Variants in KYNU observed in about 807,000 individuals in gnomAD.
The protein encoded by KYNU is kynureninase.
A neutral mutation model predicts 59.2 loss-of-function variants in KYNU; 54 were observed. The observed-to-expected ratio is 0.91, with a 90% CI of 0.73 to 1.14. The LOEUF (loss-of-function observed/expected upper bound fraction) is 1.14. Among genes scored for constraint, KYNU ranks in the 50% most tolerant of loss-of-function variants. The probability of loss-of-function intolerance (pLI) is 0.00; values close to 1 mark genes in which losing one functional copy is unlikely to be tolerated. For missense variants in KYNU, 567 were observed against 554.4 expected (o/e 1.02, Z -0.23); for synonymous variants, 177 against 192.0 (o/e 0.92, Z 0.65).
rs902662290 is a variant in KYNU, at chr2:142,942,175, G to GA, written c.374-12623dup. Among the ~76,000 whole-genome samples, 790 of 118,436 alleles carry GA rather than the reference G, an allele frequency of 6.7e-3. 3 individuals are homozygous for GA. Among genetic ancestry groups the GA allele is most frequent in the African/African-American group, 0.019 (632 of 33,156 alleles). The allele number at this position is 118,436 out of a possible 152,430, so 77.7% of individuals were successfully genotyped here. A position where few individuals can be genotyped will look rare whatever the true frequency, so the allele number is the denominator to read the frequency against. On this transcript the variant is annotated intron_variant, in intron 4 of 13. Transcript: ENST00000264170. ...CTGGGTGACAGAAAAAAAAAAAAAA[G>GA]AAAAAAAAAAAAGAAAAATGTGTAA...
intron 8 of KYNU, among the ~76,000 whole-genome samples, chr2:142,966,334 C>T (rs1684532539): frequency 6.6e-6 from 1 of 152,136 alleles, no homozygotes; most frequent in African/African-American, 2.4e-5. Context: ...ATGGTTGTGT[C>T]CTTTGGCTTT....
At chr2:142,941,365 A>G (rs1683595573) in intron 4 of KYNU, among the ~76,000 whole-genome samples, 1 of 152,242 alleles carries the variant, frequency 6.6e-6, no homozygotes, top group African/African-American at 2.4e-5. Flanking sequence ...CCTATGGGAC[A>G]AAATTCATTT....
chr2:142,926,107 A>T (rs999254171), intron 3 of KYNU, among the ~76,000 whole-genome samples: 4 of 152,090 alleles, frequency 2.6e-5, no homozygotes, highest in African/African-American at 4.8e-5. Flanking sequence ...AGGGAGGGGA[A>T]CATCACACAC....
At chr2:143,003,965 G>A (rs984682272) in intron 10 of KYNU, among the ~76,000 whole-genome samples, 7 of 152,124 alleles carry the variant, frequency 4.6e-5, no homozygotes, top group Non-Finnish European at 1.5e-5. Flanking sequence ...ACTTCTAATC[G>A]AAGACATTCT....
intron 8 of KYNU, among the ~76,000 whole-genome samples, chr2:142,974,382 G>A (rs1684826572): frequency 6.6e-6 from 1 of 152,228 alleles, no homozygotes; most frequent in African/African-American, 2.4e-5. Flanking sequence ...TGAACGTAGA[G>A]TAGGATTTAA....
chr2:143,032,671 T>C (rs1298152420), intron 11 of KYNU, among the ~76,000 whole-genome samples: 2 of 151,022 alleles, frequency 1.3e-5, no homozygotes, highest in Non-Finnish European at 2.9e-5. Context: ...TTTACCTTTT[T>C]TATATACTTA....
chr2:143,001,616 C>T (rs1685710243), intron 10 of KYNU, among the ~76,000 whole-genome samples: 1 of 152,126 alleles, frequency 6.6e-6, no homozygotes, highest in African/African-American at 2.4e-5. Flanking sequence ...TGTTAAGATA[C>T]TCAGTTTTAC....
At chr2:143,030,258 T>G (rs1171281100) in intron 11 of KYNU, among the ~76,000 whole-genome samples, 1 of 152,248 alleles carries the variant, frequency 6.6e-6, no homozygotes, top group Non-Finnish European at 1.5e-5. Flanking sequence ...GCTTTTGCCA[T>G]GTACCAAAGA....
At chr2:142,893,490 C>G (rs1236240596) in intron 2 of KYNU, among the ~76,000 whole-genome samples, 1 of 152,172 alleles carries the variant, frequency 6.6e-6, no homozygotes, top group Admixed American at 6.5e-5. Flanking sequence ...AAACTATGTA[C>G]ATTTCTAGAT....
chr2:142,911,588 A>G (rs1218698192), intron 2 of KYNU, among the ~76,000 whole-genome samples: 2 of 151,892 alleles, frequency 1.3e-5, no homozygotes, highest in African/African-American at 4.8e-5. Flanking sequence ...CCGGTACTAT[A>G]TTGAGTAGGA....
rs970474835 is a variant in KYNU, at chr2:143,054,432, A to G, written c.*12260A>G. 1.3e-5 allele frequency: 2 copies of G among 152,204 alleles called. No individual in the cohort carries two copies. The highest frequency in any genetic ancestry group is 2.9e-5 in the Non-Finnish European group (2 of 68,036). 9.4% of individuals were successfully genotyped at this position (152,204 alleles called of 1,614,324 possible). A position where few individuals can be genotyped will look rare whatever the true frequency, so the allele number is the denominator to read the frequency against. ...GAAAATCGAATATAATCATTTTTCA[A>G]TACTTAGGATAACAGATTCAGGCAA... is the stretch of plus-strand genomic sequence containing the variant. On this transcript the variant is annotated 3_prime_UTR_variant, in exon 14 of 14. Coordinates refer to ENST00000264170, the MANE Select transcript of KYNU (RefSeq NM_003937.3).
chr2:143,020,275 C>A (rs1686368315), intron 10 of KYNU, among the ~76,000 whole-genome samples: 1 of 152,038 alleles, frequency 6.6e-6, no homozygotes, highest in African/African-American at 2.4e-5. Context: ...TTGCCATAAA[C>A]TTTCCTCTTG....
At chr2:142,994,499 C>G (rs1468124401) in intron 10 of KYNU, among the ~76,000 whole-genome samples, 2 of 152,088 alleles carry the variant, frequency 1.3e-5, no homozygotes, top group Non-Finnish European at 2.9e-5. Flanking sequence ...CTTGCTTTGT[C>G]TCCCATATCA....
chr2:142,939,837 G>A (rs367663717), intron 4 of KYNU, among the ~76,000 whole-genome samples: 134 of 152,316 alleles, frequency 8.8e-4, no homozygotes, highest in African/African-American at 2.1e-3. Flanking sequence ...GGCAGCTCAC[G>A]TGGAGTCAGG....
intron 4 of KYNU, among the ~76,000 whole-genome samples, chr2:142,939,401 A>G (rs1683503887): frequency 6.6e-6 from 1 of 152,072 alleles, no homozygotes; most frequent in Non-Finnish European, 1.5e-5. Flanking sequence ...CAGGAGTTCG[A>G]GACCAGCCTT....
intron 10 of KYNU, among the ~76,000 whole-genome samples, chr2:142,994,152 A>G (rs1031484460): frequency 6.6e-5 from 10 of 151,954 alleles, no homozygotes; most frequent in African/African-American, 2.4e-4. Context: ...TGTTTAGAAC[A>G]TACATGTATC....
rs142011498 is a variant in KYNU, at chr2:142,940,018, A to G, written c.373+12277A>G. On this transcript the variant is annotated intron_variant, in intron 4 of 13. Coordinates refer to ENST00000264170, the MANE Select transcript of KYNU (RefSeq NM_003937.3). ...CCAGTGGATTCTCAAAACACAGTGC[A>G]CTTGATCAGGCTGTCAGAATTACCT... is the stretch of plus-strand genomic sequence containing the variant. Among the ~76,000 whole-genome samples, 35 of 152,328 alleles carry G rather than the reference A, an allele frequency of 2.3e-4. No homozygotes were observed. In the East Asian group the frequency reaches 4.0e-3, roughly 18 times the overall value.
chr2:142,907,509 A>G (rs1378212985), intron 2 of KYNU, among the ~76,000 whole-genome samples: 2 of 152,164 alleles, frequency 1.3e-5, no homozygotes, highest in African/African-American at 4.8e-5. Context: ...GGTGGCAAAT[A>G]GCAGTTGTGG....
intron 11 of KYNU, among the ~76,000 whole-genome samples, chr2:143,032,958 A>C (rs907169064): frequency 6.6e-6 from 1 of 152,170 alleles, no homozygotes; most frequent in Non-Finnish European, 1.5e-5. Context: ...AAGGCAGAGA[A>C]TGAGATCCAG....
Sources: allele counts gnomAD v4.1 joint callset (sites outside exome capture counted in the v4.1 genomes callset), GRCh38; gene constraint gnomAD v4.1.1; transcripts MANE v1.5; gene names NCBI Gene and HGNC (gene_info 2026-07-23, HGNC 2026-07-21).